Variants in CPQ observed in about 807,000 individuals in gnomAD.
The protein encoded by CPQ is Ser-Met dipeptidase.
Under a neutral mutation model 45.7 loss-of-function variants are expected in CPQ, and 37 were observed. The observed-to-expected ratio is 0.81, with a 90% CI of 0.62 to 1.07. The LOEUF is 1.07. Ranked by LOEUF, CPQ falls within the 50% of genes least tolerant of loss-of-function variation. CPQ has a pLI of 0.00. For missense variants in CPQ, 537 were observed against 572.9 expected (o/e 0.94, Z 0.64); for synonymous variants, 186 against 205.8 (o/e 0.90, Z 0.82).
chr8:96,805,527 C>T (rs902056356), intron 2 of CPQ, among the ~76,000 whole-genome samples: 9 of 152,088 alleles, frequency 5.9e-5, no homozygotes, highest in African/African-American at 2.2e-4. Flanking sequence ...ATGCATTTAC[C>T]GCACTCAGAG....
chr8:96,910,650 G>A (rs1359693731), intron 4 of CPQ, among the ~76,000 whole-genome samples: 4 of 152,030 alleles, frequency 2.6e-5, no homozygotes, highest in Non-Finnish European at 4.4e-5. Flanking sequence ...GACTACAGGG[G>A]CCTGCCACCA....
chr8:97,054,740 G>A (rs116172006), intron 6 of CPQ, among the ~76,000 whole-genome samples: 3,148 of 152,192 alleles, frequency 0.021, 101 homozygotes, highest in African/African-American at 0.067. Context: ...AGACAAACAG[G>A]GTGGTATAAT....
At chr8:96,707,015 T>A (rs1189872761) in intron 1 of CPQ, among the ~76,000 whole-genome samples, 1 of 152,118 alleles carries the variant, frequency 6.6e-6, no homozygotes, top group Non-Finnish European at 1.5e-5. Flanking sequence ...GCCCAGAATT[T>A]ATTTGATTTA....
At chr8:97,080,376 C>A (rs1438924063) in intron 7 of CPQ, among the ~76,000 whole-genome samples, 1 of 151,726 alleles carries the variant, frequency 6.6e-6, no homozygotes, top group Non-Finnish European at 1.5e-5. Flanking sequence ...TCACTGATTT[C>A]TTATAAGAGC....
At chr8:96,738,582 G>A (rs954191534) in intron 1 of CPQ, among the ~76,000 whole-genome samples, 2 of 151,958 alleles carry the variant, frequency 1.3e-5, no homozygotes, top group Admixed American at 6.5e-5. Flanking sequence ...CTAGCATTAG[G>A]TATATCTCCC....
At chr8:96,992,085 A>C (rs959610362) in intron 5 of CPQ, among the ~76,000 whole-genome samples, 3 of 152,228 alleles carry the variant, frequency 2.0e-5, no homozygotes, top group African/African-American at 7.2e-5. Context: ...AATCATCAAC[A>C]GCAAGGTGAC....
rs566020402 is a variant in CPQ at position 96,896,885 on chromosome 8, TG to T, written c.849+16882del. Among the ~76,000 whole-genome samples the T allele has an allele frequency of 3.3e-5, 5 of 152,288 alleles. No homozygotes were observed. The East Asian group carries it at 9.7e-4, about 29-fold the overall frequency. On this transcript the variant is annotated intron_variant, in intron 4 of 7. Transcript: ENST00000220763. ...GCAGAAGCTAATGACTAAAATAAAA[TG>T]GTTAAACTGGACTAGAAATTTAAGA...
chr8:96,810,260 A>C (rs141664194), intron 2 of CPQ, among the ~76,000 whole-genome samples: 95 of 152,276 alleles, frequency 6.2e-4, no homozygotes, highest in Middle Eastern at 3.4e-3. Flanking sequence ...TGTCTTCCCC[A>C]AAAGAGGTTA....
intron 6 of CPQ, among the ~76,000 whole-genome samples, chr8:97,038,406 T>TG (rs1810039134): frequency 6.6e-6 from 1 of 152,178 alleles, no homozygotes. Flanking sequence ...AACCAGGTCA[T>TG]GACCTGACCC....
intron 5 of CPQ, among the ~76,000 whole-genome samples, chr8:96,976,743 G>A (rs1813796610): frequency 6.6e-6 from 1 of 151,980 alleles, no homozygotes; most frequent in East Asian, 1.9e-4. Context: ...AAAACATAAA[G>A]TGGAGAAAAG....
intron 1 of CPQ, among the ~76,000 whole-genome samples, chr8:96,722,091 G>A (rs1331184460): frequency 6.6e-6 from 1 of 152,052 alleles, no homozygotes. Flanking sequence ...GCTCTATAAA[G>A]GCAGGGATTT....
At position 96,963,959 on chromosome 8, in the gene CPQ, G is replaced by A. The variant is rs888846572; in HGVS notation, c.850-1976G>A. Among the ~76,000 whole-genome samples, 68 of 152,064 alleles carry A rather than the reference G, an allele frequency of 4.5e-4. 1 individual carries two copies. Among genetic ancestry groups the A allele is most frequent in the African/African-American group, 1.6e-3 (66 of 41,472 alleles). ...CTTTCATTCTTCATTATGTTTATGA[G>A]ACTCATACAATTTTATCATGAATTG... On this transcript the variant is annotated intron_variant, in intron 4 of 7. Coordinates refer to ENST00000220763, the MANE Select transcript of CPQ (RefSeq NM_016134.4).
chr8:97,141,723 A>C (rs1812168619), intron 7 of CPQ, among the ~76,000 whole-genome samples: 1 of 152,208 alleles, frequency 6.6e-6, no homozygotes, highest in African/African-American at 2.4e-5. Flanking sequence ...AAACCACCTA[A>C]ATGACCATTG....
chr8:96,684,907 G>A (rs1348727283), intron 1 of CPQ, among the ~76,000 whole-genome samples: 2 of 151,824 alleles, frequency 1.3e-5, no homozygotes, highest in Non-Finnish European at 2.9e-5. Flanking sequence ...AGACCAGCCT[G>A]GTCAACATGG....
intron 5 of CPQ, among the ~76,000 whole-genome samples, chr8:97,012,490 G>C (rs1403344747): frequency 1.3e-5 from 2 of 152,140 alleles, no homozygotes; most frequent in Admixed American, 6.5e-5. Context: ...GCTGAGAATG[G>C]AGGCATAGCA....
intron 4 of CPQ, among the ~76,000 whole-genome samples, chr8:96,899,770 T>C (rs1423342566): frequency 2.6e-5 from 4 of 152,096 alleles, no homozygotes; most frequent in African/African-American, 9.7e-5. Flanking sequence ...CAAAAGGAGA[T>C]TTGACTGGGG....
rs561686588 is a variant in CPQ, at chr8:97,079,324, A to G, written c.1255+13114A>G. ...ATTTCACAATTTCATTCACTCATTC[A>G]TTTAAGAAACCCAAGTAAATGCTAT... On this transcript the variant is annotated intron_variant, in intron 7 of 7. Coordinates refer to ENST00000220763, the MANE Select transcript of CPQ (RefSeq NM_016134.4). Among the ~76,000 whole-genome samples the G allele has an allele frequency of 1.7e-4, 26 of 152,286 alleles. No individual in the cohort carries two copies. The South Asian group carries it at 5.4e-3, about 32-fold the overall frequency.
At chr8:96,773,700 T>C (rs1411397412) in intron 1 of CPQ, among the ~76,000 whole-genome samples, 2 of 152,206 alleles carry the variant, frequency 1.3e-5, no homozygotes, top group Non-Finnish European at 2.9e-5. Context: ...ATTTGTTTTC[T>C]CACAGTTCTG....
chr8:96,883,111 T>G (rs969561485), intron 4 of CPQ, among the ~76,000 whole-genome samples: 1 of 152,226 alleles, frequency 6.6e-6, no homozygotes, highest in Non-Finnish European at 1.5e-5. Context: ...AGTTGTTTCT[T>G]CCTTTATATC....
Sources: allele counts gnomAD v4.1 joint callset (sites outside exome capture counted in the v4.1 genomes callset), GRCh38; gene constraint gnomAD v4.1.1; transcripts MANE v1.5; gene names NCBI Gene and HGNC (gene_info 2026-07-23, HGNC 2026-07-21).